Variants in NFIX observed in about 807,000 individuals in gnomAD.
The protein encoded by NFIX is nuclear factor I X, also known as nuclear factor 1 X-type.
NFIX carries 2 observed loss-of-function variants against 53.3 expected under a neutral mutation model. That is an observed-to-expected ratio of 0.04 (90% confidence interval 0.02 to 0.12). The LOEUF (loss-of-function observed/expected upper bound fraction) is 0.12. Among genes scored for constraint, NFIX ranks in the 10% least tolerant of loss-of-function variants. The pLI is 1.00. For synonymous variants in NFIX, 244 were observed against 289.0 expected (o/e 0.84, Z 1.58); for missense variants, 310 against 674.5 (o/e 0.46, Z 5.99).
rs1036084960 is a variant in NFIX, at chr19:13,088,227, C to T, written c.1402+91C>T. On this transcript the variant is annotated intron_variant, in intron 9 of 10. Coordinates refer to ENST00000592199, the MANE Select transcript of NFIX (RefSeq NM_001365902.3). The surrounding 1 kb of genome is among the most constrained non-coding windows in gnomAD (Gnocchi z 5.9). ...TGCAAAAAGAAAAGCCTTCCCCCTCCCCACCACCAAAGCCCCCCAACCCAG... is the reference window on the plus strand; with the variant it reads ...TGCAAAAAGAAAAGCCTTCCCCCTCTCCACCACCAAAGCCCCCCAACCCAG... The T allele has an allele frequency of 9.0e-6, 13 of 1,441,962 alleles. No homozygotes were observed. The highest frequency in any genetic ancestry group is 1.4e-5 in the African/African-American group (1 of 70,514). The allele number at this position is 1,441,962 out of a possible 1,614,324, so 89.3% of individuals were successfully genotyped here. A position where few individuals can be genotyped will look rare whatever the true frequency, so the allele number is the denominator to read the frequency against.
intron 1 of NFIX, among the ~76,000 whole-genome samples, chr19:13,019,727 G>GTTTTT (rs201956443): frequency 1.6e-4 from 20 of 124,024 alleles, no homozygotes; most frequent in Non-Finnish European, 2.4e-4. Context: ...TTTTTTGTTT[G>GTTTTT]TTTGTTTTTT....
chr19:13,044,990 TGGGATGACAC>T (rs2014892153), intron 2 of NFIX, among the ~76,000 whole-genome samples: 2 of 152,054 alleles, frequency 1.3e-5, no homozygotes, highest in Admixed American at 1.3e-4. Flanking sequence ...CTGCAGGCTG[TGGGATGACAC>T]GGGATGACTG....
rs1264072734 is a variant in NFIX, at chr19:13,049,775, G to A, written c.560-23272G>A. Among the ~76,000 whole-genome samples, 1 of 152,020 alleles carries A rather than the reference G, an allele frequency of 6.6e-6. No individual in the cohort carries two copies. Among genetic ancestry groups the A allele is most frequent in the Non-Finnish European group, 1.5e-5 (1 of 68,002 alleles). ...TGCCCAGCTAATTTTTGTGTTTTTA[G>A]TAGAGACAGGGTTTCACCATATTGG... On this transcript the variant is annotated intron_variant, in intron 2 of 10. Coordinates refer to ENST00000592199, the MANE Select transcript of NFIX (RefSeq NM_001365902.3). This position sits in a 1 kb window ranked among gnomAD's most constrained non-coding sequence, Gnocchi z 4.5.
rs983200375 is a variant in NFIX at position 13,068,068 on chromosome 19, G to A, written c.560-4979G>A. 6.6e-6 allele frequency among the ~76,000 whole-genome samples: 1 copy of A among 151,730 alleles called. No individual in the cohort carries two copies. Among genetic ancestry groups the A allele is most frequent in the Admixed American group, 6.6e-5 (1 of 15,236 alleles). On this transcript the variant is annotated intron_variant, in intron 2 of 10. Coordinates refer to ENST00000592199, the MANE Select transcript of NFIX (RefSeq NM_001365902.3). This position sits in a 1 kb window ranked among gnomAD's most constrained non-coding sequence, Gnocchi z 4.2. ...TGCAGTGAGCCGAGATCGCACCACT[G>A]CACTCCAGCCTGGGTGACAGAGCAA...
Position 13,011,597 on chromosome 19 carries a change from A to G in NFIX, c.28-13424A>G, listed in dbSNP as rs1356583572. On this transcript the variant is annotated intron_variant, in intron 1 of 10. Coordinates refer to ENST00000592199, the MANE Select transcript of NFIX (RefSeq NM_001365902.3). The surrounding 1 kb of genome is among the most constrained non-coding windows in gnomAD (Gnocchi z 6.5). ...CACTGCCCAATCATAGCTCTTTGATATCCCAGCCCGGCTGGAGAAAGTTAG... is the reference window on the plus strand; with the variant it reads ...CACTGCCCAATCATAGCTCTTTGATGTCCCAGCCCGGCTGGAGAAAGTTAG... Among the ~76,000 whole-genome samples, 1 of 152,086 alleles carries G rather than the reference A, an allele frequency of 6.6e-6. No homozygotes were observed. Among genetic ancestry groups the G allele is most frequent in the African/African-American group, 2.4e-5 (1 of 41,404 alleles).
rs571310960 is a variant in NFIX at position 13,023,317 on chromosome 19, C to G, written c.28-1704C>G. Reference sequence around the variant, plus strand: ...TCGATCCTCGATCTCTCCCTCCCCCCCTTCTTCCTTTCCTCCCTCCCTCGC... The same window carrying G: ...TCGATCCTCGATCTCTCCCTCCCCCGCTTCTTCCTTTCCTCCCTCCCTCGC... On this transcript the variant is annotated intron_variant, in intron 1 of 10. Coordinates refer to ENST00000592199, the MANE Select transcript of NFIX (RefSeq NM_001365902.3). Among the ~76,000 whole-genome samples, 110 of 152,120 alleles carry G rather than the reference C, an allele frequency of 7.2e-4. No homozygotes were observed. In the Middle Eastern group the frequency reaches 0.01, roughly 14 times the overall value.
rs1366320936 is a variant in NFIX at position 13,096,353 on chromosome 19, C to G, written c.*1704C>G. 2 of 152,090 alleles carry G rather than the reference C, an allele frequency of 1.3e-5. No homozygotes were observed. Among genetic ancestry groups the G allele is most frequent in the African/African-American group, 4.8e-5 (2 of 41,262 alleles). 9.4% of individuals were successfully genotyped at this position (152,090 alleles called of 1,614,324 possible). A position where few individuals can be genotyped will look rare whatever the true frequency, so the allele number is the denominator to read the frequency against. On this transcript the variant is annotated 3_prime_UTR_variant, in exon 11 of 11. Transcript: ENST00000592199. ...TTGTGAGGCTGTGGCCCCGAGCTGG[C>G]GGAGGGAGGGAAGAGGAGGGAGTGA...
intron 2 of NFIX, among the ~76,000 whole-genome samples, chr19:13,071,539 C>T (rs1328395135): frequency 6.6e-6 from 1 of 152,136 alleles, no homozygotes; most frequent in Non-Finnish European, 1.5e-5. Flanking sequence ...GAAGGATACA[C>T]CCCAAACCAG....
intron 2 of NFIX, among the ~76,000 whole-genome samples, chr19:13,055,182 TGCCCTCCTGG>T (rs1439836417): frequency 1.3e-5 from 2 of 151,916 alleles, no homozygotes; most frequent in Non-Finnish European, 2.9e-5. Context: ...GACCTGTCTG[TGCCCTCCTGG>T]GCCCCATCCA....
At chr19:13,000,606 C>G (rs946465897) in intron 1 of NFIX, among the ~76,000 whole-genome samples, 1 of 151,960 alleles carries the variant, frequency 6.6e-6, no homozygotes, top group African/African-American at 2.4e-5. Context: ...CCATGAGGAC[C>G]AGATACCCTG....
chr19:13,060,771 C>CG lies in NFIX; in HGVS notation c.560-12274dup, dbSNP rs999735522. On this transcript the variant is annotated intron_variant, in intron 2 of 10. Transcript: ENST00000592199. This position sits in a 1 kb window ranked among gnomAD's most constrained non-coding sequence, Gnocchi z 4.3. ...CCCAGGGTCAGGGGGATGGGGGGGTCGGCCTCACCTCGGCTAACCTCCCAG... is the reference window on the plus strand; with the variant it reads ...CCCAGGGTCAGGGGGATGGGGGGGTCGGGCCTCACCTCGGCTAACCTCCCAG... Among the ~76,000 whole-genome samples the CG allele has an allele frequency of 6.6e-6, 1 of 151,678 alleles. No homozygotes were observed. Among genetic ancestry groups the CG allele is most frequent in the Non-Finnish European group, 1.5e-5 (1 of 67,880 alleles).
rs1024429250 is a variant in NFIX, at chr19:13,052,795, C to T, written c.560-20252C>T. Among the ~76,000 whole-genome samples, 6 of 152,214 alleles carry T rather than the reference C, an allele frequency of 3.9e-5. No individual in the cohort carries two copies. Among genetic ancestry groups the T allele is most frequent in the Non-Finnish European group, 1.5e-5 (1 of 68,034 alleles). ...GGCACCCCCTGCACCCGTCCACACA[C>T]ACAGACCAGAGGAGTGAGGATGATG... On this transcript the variant is annotated intron_variant, in intron 2 of 10. Coordinates refer to ENST00000592199, the MANE Select transcript of NFIX (RefSeq NM_001365902.3). The surrounding 1 kb of genome is among the most constrained non-coding windows in gnomAD (Gnocchi z 5.2).
chr19:13,010,030 G>A (rs112590866), intron 1 of NFIX, among the ~76,000 whole-genome samples: 1,707 of 152,268 alleles, frequency 0.011, 25 homozygotes, highest in African/African-American at 0.038. Context: ...CGCCTCCACC[G>A]CCCCAGGGGC....
rs966974376 is a variant in NFIX, at chr19:13,060,456, C to G, written c.560-12591C>G. Among the ~76,000 whole-genome samples the G allele has an allele frequency of 6.6e-6, 1 of 152,216 alleles. No individual in the cohort carries two copies. The highest frequency in any genetic ancestry group is 1.5e-5 in the Non-Finnish European group (1 of 68,042). ...ATCAGCTCCCAGCTTGTGCTGCACC[C>G]TCTGACCACAACTTTGTGGGGCGCC... On this transcript the variant is annotated intron_variant, in intron 2 of 10. Transcript: ENST00000592199. This position sits in a 1 kb window ranked among gnomAD's most constrained non-coding sequence, Gnocchi z 4.3.
intron 2 of NFIX, among the ~76,000 whole-genome samples, chr19:13,038,671 T>G (rs2014384464): frequency 6.6e-6 from 1 of 152,260 alleles, no homozygotes; most frequent in South Asian, 2.1e-4. Flanking sequence ...TAGTGCCTGT[T>G]TAGTTTACTA....
rs1294879190 is a variant in NFIX at position 13,001,732 on chromosome 19, C to T, written c.27+5868C>T. Among the ~76,000 whole-genome samples, 1 of 152,228 alleles carries T rather than the reference C, an allele frequency of 6.6e-6. No individual in the cohort carries two copies. The highest frequency in any genetic ancestry group is 1.5e-5 in the Non-Finnish European group (1 of 68,034). On this transcript the variant is annotated intron_variant, in intron 1 of 10. Transcript: ENST00000592199. This position sits in a 1 kb window ranked among gnomAD's most constrained non-coding sequence, Gnocchi z 6.5. ...CCTGAGCTTGTCCCCGTGACAATCA[C>T]TGTGGGTCTCACCCCACGGGCGCCT...
chr19:13,023,799 T>C (rs1298894864), intron 1 of NFIX, among the ~76,000 whole-genome samples: 2 of 148,474 alleles, frequency 1.3e-5, no homozygotes, highest in African/African-American at 2.5e-5. Context: ...AAATATTAAT[T>C]TCCCCCTTCT....
rs1440617405 is a variant in NFIX at position 13,081,270 on chromosome 19, CT to C, written c.1079-409del. Among the ~76,000 whole-genome samples, 2 of 152,110 alleles carry C rather than the reference CT, an allele frequency of 1.3e-5. No homozygotes were observed. The highest frequency in any genetic ancestry group is 4.8e-5 in the African/African-American group (2 of 41,412). ...CGTGATCCGTGTTTGTGCCACTGCA[CT>C]CCAGTCTGGATGACAGAGCGAGACC... On this transcript the variant is annotated intron_variant, in intron 7 of 10. Coordinates refer to ENST00000592199, the MANE Select transcript of NFIX (RefSeq NM_001365902.3). This position sits in a 1 kb window ranked among gnomAD's most constrained non-coding sequence, Gnocchi z 4.7.
intron 2 of NFIX, among the ~76,000 whole-genome samples, chr19:13,030,070 C>T (rs879709998): frequency 1.2e-4 from 19 of 152,204 alleles, no homozygotes; most frequent in African/African-American, 3.6e-4. Context: ...GACCCTGTGC[C>T]GCCTCATCCA....
Sources: allele counts gnomAD v4.1 joint callset (sites outside exome capture counted in the v4.1 genomes callset), GRCh38; gene constraint gnomAD v4.1.1; non-coding constraint Gnocchi (gnomAD v3.1); transcripts MANE v1.5; gene names NCBI Gene and HGNC (gene_info 2026-07-23, HGNC 2026-07-21).